Variants in MMEL1 observed in about 807,000 individuals in gnomAD.
MMEL1 encodes membrane metalloendopeptidase like 1.
Under a neutral mutation model 117.1 loss-of-function variants are expected in MMEL1, and 98 were observed. The ratio of observed to expected loss-of-function variants is 0.84; its 90% CI spans 0.71 to 0.99. MMEL1 has a LOEUF of 0.99. MMEL1 is among the 50% of genes least tolerant of loss of function. MMEL1 has a pLI of 0.00. For synonymous variants in MMEL1, 390 were observed against 415.1 expected (o/e 0.94, Z 0.74); for missense variants, 1,014 against 1,049.1 (o/e 0.97, Z 0.46).
intron 2 of MMEL1, among the ~76,000 whole-genome samples, chr1:2,627,150 C>T (rs1196339200): frequency 4.6e-5 from 7 of 152,176 alleles, no homozygotes; most frequent in East Asian, 3.8e-4. Flanking sequence ...CACAGTTTCA[C>T]GAAGTGAAAG....
intron 1 of MMEL1, chr1:2,630,336 G>A (rs561665799): frequency 2.6e-5 from 4 of 152,638 alleles, no homozygotes; most frequent in African/African-American, 4.8e-5. Context: ...GTAGTTGGGC[G>A]TGTGCATGTG....
chr1:2,625,200 C>T (rs1399865195), intron 2 of MMEL1, among the ~76,000 whole-genome samples: 1 of 152,190 alleles, frequency 6.6e-6, no homozygotes, highest in African/African-American at 2.4e-5. Flanking sequence ...TCCCAACAGT[C>T]CCCCAAAGTC....
At chr1:2,607,727 G>A (rs1288952567) in intron 6 of MMEL1, among the ~76,000 whole-genome samples, 1 of 152,158 alleles carries the variant, frequency 6.6e-6, no homozygotes, top group African/African-American at 2.4e-5. Flanking sequence ...GCTTCCTAGT[G>A]GAAGAGGGGA....
intron 19 of MMEL1, 53 bp from the exon 20 acceptor site, chr1:2,593,019 G>T: frequency 6.3e-7 from 1 of 1,590,610 alleles, no homozygotes; most frequent in Non-Finnish European, 8.6e-7. Flanking sequence ...CACTGTGCCT[G>T]GCCCCACGGC....
Position 2,592,910 on chromosome 1 carries a change from G to A in MMEL1, c.1924C>T (p.Gln642Ter). ...MMDWWSNFSTQHFREQSECMI... is the reference protein window; with the variant it reads ...MMDWWSNFST ...CACTCTGACTGCTCCCGGAAGTGCT[G>A]GGTGGAGAAGTTACTCCACCAATCC... Residue 642 changes from glutamine to a stop codon, truncating the protein, a stop_gained, in exon 20 of 24, where the codon CAG (glutamine) becomes TAG (stop). Coordinates refer to ENST00000378412, the MANE Select transcript of MMEL1 (RefSeq NM_033467.4). LOFTEE classifies it high-confidence loss of function. The A allele has an allele frequency of 6.2e-7, 1 of 1,613,756 alleles. No homozygotes were observed.
rs540228927 is a variant in MMEL1 at position 2,629,028 on chromosome 1, C to CGGCGGA, written c.154+297_154+302dup. On this transcript the variant is annotated intron_variant, in intron 2 of 23. Coordinates refer to ENST00000378412, the MANE Select transcript of MMEL1 (RefSeq NM_033467.4). ...CTGCGCCCCCCACCCTCCGGGAGTC[C>CGGCGGA]GGCGGAGGCGGAGGCGGAGGCGGAG... 2.2e-3 allele frequency among the ~76,000 whole-genome samples: 332 copies of CGGCGGA among 151,700 alleles called. 2 individuals carry two copies. The highest frequency in any genetic ancestry group is 3.9e-3 in the Non-Finnish European group (266 of 67,856).
At chr1:2,615,985 T>A (rs747273719) in intron 2 of MMEL1, among the ~76,000 whole-genome samples, 1 of 152,114 alleles carries the variant, frequency 6.6e-6, no homozygotes, top group Admixed American at 6.6e-5. Flanking sequence ...ATAGTCAAAC[T>A]GTGGAGGACT....
chr1:2,614,606 T>C (rs1366524410), intron 2 of MMEL1, among the ~76,000 whole-genome samples: 3 of 152,140 alleles, frequency 2.0e-5, no homozygotes, highest in Non-Finnish European at 4.4e-5. Context: ...TATTTATAGA[T>C]ATGAGTATCT....
chr1:2,626,628 T>C (rs1295457299), intron 2 of MMEL1, among the ~76,000 whole-genome samples: 1 of 152,278 alleles, frequency 6.6e-6, no homozygotes, highest in Non-Finnish European at 1.5e-5. Flanking sequence ...AGAAAATGAA[T>C]ACAGTTGTTT....
chr1:2,609,160 C>A (rs552470887), intron 6 of MMEL1, among the ~76,000 whole-genome samples, 179 bp downstream of exon 6: 1 of 152,020 alleles, frequency 6.6e-6, no homozygotes, highest in Non-Finnish European at 1.5e-5. Flanking sequence ...GGCATTACTG[C>A]GAGCCTGGAC....
rs1644827714 is a variant in MMEL1, at chr1:2,595,828, G to T, written c.1500+181C>A. ...AGTGGTCCTGTCTGCGCCTCCCGGG[G>T]CTGCCTTCTCCCCGTGGGGTCCTGT... On this transcript the variant is annotated intron_variant, in intron 15 of 23. Coordinates refer to ENST00000378412, the MANE Select transcript of MMEL1 (RefSeq NM_033467.4). This position sits in a 1 kb window ranked among gnomAD's most constrained non-coding sequence, Gnocchi z 4.8. 6.7e-6 allele frequency among the ~76,000 whole-genome samples: 1 copy of T among 148,284 alleles called. No individual in the cohort carries two copies. The highest frequency in any genetic ancestry group is 2.1e-4 in the South Asian group (1 of 4,792).
rs376048931 is a variant in MMEL1 at position 2,605,286 on chromosome 1, C to T, written c.816+272G>A. Among the ~76,000 whole-genome samples, 78 of 152,286 alleles carry T rather than the reference C, an allele frequency of 5.1e-4. No individual in the cohort carries two copies. In the East Asian group the frequency reaches 7.5e-3, roughly 15 times the overall value. The stretch of plus-strand genomic sequence containing the variant: ...GCTGCAGAGCCTGGGTCTGTACTGA[C>T]GGGAGGGGGATGACAGTTCTGCCCC... On this transcript the variant is annotated intron_variant, in intron 9 of 23. Transcript: ENST00000378412.
intron 2 of MMEL1, 34 bp downstream of exon 2, chr1:2,629,297 C>A (rs1462883218): frequency 1.3e-6 from 2 of 1,509,116 alleles, no homozygotes; most frequent in Non-Finnish European, 8.8e-7. Flanking sequence ...AGAGCGGGCA[C>A]GGGGACAGGC....
rs1464994128 is a variant in MMEL1, at chr1:2,609,590, G to C, written c.454+80C>G. Reference sequence around the variant, plus strand: ...AAGGAGGAAGCACAAACAGGGGCGAGACACAGCCAGGACCAACTCCTGGCC... The same window carrying C: ...AAGGAGGAAGCACAAACAGGGGCGACACACAGCCAGGACCAACTCCTGGCC... On this transcript the variant is annotated intron_variant, in intron 5 of 23. Transcript: ENST00000378412. 5.2e-6 allele frequency: 8 copies of C among 1,551,490 alleles called. 1 individual carries two copies. The Admixed American group carries it at 1.2e-4, about 24-fold the overall frequency.
chr1:2,603,016 C>T (rs999390054), intron 11 of MMEL1, among the ~76,000 whole-genome samples: 7 of 152,220 alleles, frequency 4.6e-5, no homozygotes, highest in East Asian at 1.9e-4. Flanking sequence ...GGCCCCACTG[C>T]GTGTGTTCTG....
chr1:2,622,983 C>A lies in MMEL1; in HGVS notation c.154+6348G>T, dbSNP rs552195538. Among the ~76,000 whole-genome samples, 433 of 150,850 alleles carry A rather than the reference C, an allele frequency of 2.9e-3. 2 individuals are homozygous for A. The highest frequency in any genetic ancestry group is 0.01 in the African/African-American group (419 of 41,096). ...AAGAGATCAACACCATCCTGGCCAA[C>A]ATGGTGAAACCCCATCTCTACCAAA... is the stretch of plus-strand genomic sequence containing the variant. On this transcript the variant is annotated intron_variant, in intron 2 of 23. Transcript: ENST00000378412.
chr1:2,597,570 C>T (rs574093862), intron 13 of MMEL1, among the ~76,000 whole-genome samples: 2 of 152,124 alleles, frequency 1.3e-5, no homozygotes, highest in Non-Finnish European at 2.9e-5. Flanking sequence ...GTGACCACAT[C>T]GGCCTCCATG....
intron 1 of MMEL1, chr1:2,629,725 A>G (rs983063951): frequency 2.0e-6 from 1 of 492,146 alleles, no homozygotes; most frequent in Admixed American, 3.9e-5. Context: ...CTCTGAGTGC[A>G]TGGAGGTTCT....
intron 2 of MMEL1, among the ~76,000 whole-genome samples, chr1:2,613,765 T>A (rs1006027738): frequency 6.6e-6 from 1 of 152,026 alleles, no homozygotes; most frequent in Non-Finnish European, 1.5e-5. Flanking sequence ...GTGGGAGGAC[T>A]GCTTGAGCCC....
Sources: gnomAD v4.1 joint callset for allele counts (sites outside exome capture counted in the v4.1 genomes callset) on GRCh38, gnomAD v4.1.1 for gene constraint, Gnocchi (gnomAD v3.1) non-coding constraint, MANE v1.5 for transcripts, NCBI Gene and HGNC (gene_info 2026-07-23, HGNC 2026-07-21) for gene names.